SLC39A12: variants seen among roughly 807,000 people sequenced by gnomAD.
SLC39A12 encodes the protein zinc transporter ZIP12.
In SLC39A12, 63 loss-of-function variants were observed where a neutral mutation model predicts 71.1. The ratio of observed to expected loss-of-function variants is 0.89; its 90% CI spans 0.72 to 1.09. The LOEUF (loss-of-function observed/expected upper bound fraction) is 1.09, where lower values mean the gene tolerates loss of function less well. Ranked by LOEUF, SLC39A12 falls within the 50% of genes least tolerant of loss-of-function variation. SLC39A12 has a pLI of 0.00. For synonymous variants in SLC39A12, 351 were observed against 301.3 expected, an observed-to-expected ratio of 1.16 and a Z score of -1.71; for missense variants, 892 against 812.6, an observed-to-expected ratio of 1.10 and a Z score of -1.19.
rs1196236102 is a variant in SLC39A12 at position 18,000,834 on chromosome 10, A to C, written c.1759+9A>C. The C allele has an allele frequency of 9.9e-6, 16 of 1,612,562 alleles. No homozygotes were observed. Among genetic ancestry groups the C allele is most frequent in the Non-Finnish European group, 1.4e-5 (16 of 1,179,018 alleles). On this transcript the variant is annotated intron_variant, in intron 11 of 12. Coordinates refer to ENST00000377369, the MANE Select transcript of SLC39A12 (RefSeq NM_001145195.2). ...AATCCCACATGAAATGGGTAAGTTC[A>C]ACAATGGAATTACTGTTTCTGGCCT...
chr10:17,988,672 C>T (rs142477914), intron 7 of SLC39A12, among the ~76,000 whole-genome samples: 1 of 152,158 alleles, frequency 6.6e-6, no homozygotes, highest in Non-Finnish European at 1.5e-5. Context: ...TTGGGGTCAG[C>T]CAATGAGGGG....
At chr10:18,030,718 G>A (rs1836822082) in intron 12 of SLC39A12, among the ~76,000 whole-genome samples, 1 of 150,002 alleles carries the variant, frequency 6.7e-6, no homozygotes, top group Admixed American at 6.7e-5. Context: ...GTATACATGT[G>A]CCATGCTGGT....
chr10:17,961,259 G>A (rs1554848349), intron 2 of SLC39A12, among the ~76,000 whole-genome samples: 1 of 152,158 alleles, frequency 6.6e-6, no homozygotes, highest in African/African-American at 2.4e-5. Flanking sequence ...AAGATTGCAA[G>A]GAATTCGGAT....
Position 17,965,577 on chromosome 10 carries a change from T to C in SLC39A12, c.638T>C (p.Ile213Thr). The change falls in exon 4 of 13, where the codon ATT becomes ACT. Residue 213 changes from isoleucine to threonine, a missense_variant. Coordinates refer to ENST00000377369, the MANE Select transcript of SLC39A12 (RefSeq NM_001145195.2). ...STLPQLAAMI[I>T]TLSLQGVCLG... ...CTTCCTCAGTTGGCAGCCATGATCA[T>C]TACTTTGTCCCTCCAGGGTGTTTGT... 1 of 1,614,212 alleles carries C rather than the reference T, an allele frequency of 6.2e-7. No homozygotes were observed. Among genetic ancestry groups the C allele is most frequent in the East Asian group, 2.2e-5 (1 of 44,882 alleles).
intron 3 of SLC39A12, among the ~76,000 whole-genome samples, chr10:17,964,746 G>A (rs774825281): frequency 2.0e-5 from 3 of 152,206 alleles, no homozygotes; most frequent in Non-Finnish European, 1.5e-5. Context: ...GAGGGGCCCT[G>A]TGATGACGCA....
intron 5 of SLC39A12, among the ~76,000 whole-genome samples, chr10:17,980,814 C>T (rs971958649): frequency 6.9e-6 from 1 of 145,436 alleles, no homozygotes; most frequent in Non-Finnish European, 1.5e-5. Context: ...CATAGCTTTA[C>T]TTTCAAAAAT....
chr10:18,005,212 G>A (rs901254280), intron 12 of SLC39A12, among the ~76,000 whole-genome samples: 1 of 151,738 alleles, frequency 6.6e-6, no homozygotes, highest in Non-Finnish European at 1.5e-5. Flanking sequence ...TATGTACCCC[G>A]GAACTTAAAA....
Position 17,987,474 on chromosome 10 carries a change from C to G in SLC39A12, c.1097-5C>G. Reference sequence around the variant, plus strand: ...TGACTGTGTTTACGATCTCCTTTGACTTAGAATACGGCTACAGCACGGTGG... The same window carrying G: ...TGACTGTGTTTACGATCTCCTTTGAGTTAGAATACGGCTACAGCACGGTGG... On this transcript the variant is annotated splice_polypyrimidine_tract_variant and splice_region_variant and intron_variant, in intron 6 of 12. Coordinates refer to ENST00000377369, the MANE Select transcript of SLC39A12 (RefSeq NM_001145195.2). 6.2e-7 allele frequency: 1 copy of G among 1,613,404 alleles called. No homozygotes were observed. Among genetic ancestry groups the G allele is most frequent in the African/African-American group, 1.3e-5 (1 of 75,042 alleles).
rs771085854 is a variant in SLC39A12 at position 18,042,670 on chromosome 10, C to G, written c.1948-35C>G. ...AGCTTTTCCCAGCAGTTGAATATAT[C>G]TGGATCTTATTCTGGTTTTTTATTC... On this transcript the variant is annotated intron_variant, in intron 12 of 12. Transcript: ENST00000377369. 2.6e-5 allele frequency: 41 copies of G among 1,587,550 alleles called. No homozygotes were observed. The South Asian group carries it at 3.8e-4, about 15-fold the overall frequency.
chr10:18,041,162 A>G lies in SLC39A12; in HGVS notation c.1948-1543A>G, dbSNP rs139645423. Among the ~76,000 whole-genome samples, 3 of 152,244 alleles carry G rather than the reference A, an allele frequency of 2.0e-5. No homozygotes were observed. In the East Asian group the frequency reaches 5.8e-4, roughly 29 times the overall value. On this transcript the variant is annotated intron_variant, in intron 12 of 12. Coordinates refer to ENST00000377369, the MANE Select transcript of SLC39A12 (RefSeq NM_001145195.2). Reference sequence around the variant, plus strand: ...CTTCTCAGGGTGAGGGCTTTGAAATAATTTGAGACAAATACACCTTGGGGC... The same window carrying G: ...CTTCTCAGGGTGAGGGCTTTGAAATGATTTGAGACAAATACACCTTGGGGC...
chr10:18,022,478 A>G lies in SLC39A12; in HGVS notation c.1947+19120A>G, dbSNP rs543490213. The stretch of plus-strand genomic sequence containing the variant: ...ATATAGTGAGTTTTTCAGTTCTATC[A>G]GCTCACTTTTGTTCTTTCTTAAAAT... On this transcript the variant is annotated intron_variant, in intron 12 of 12. Transcript: ENST00000377369. 1.6e-4 allele frequency among the ~76,000 whole-genome samples: 25 copies of G among 152,240 alleles called. No homozygotes were observed. The South Asian group carries it at 5.0e-3, about 30-fold the overall frequency.
chr10:18,016,418 A>C (rs1445991195), intron 12 of SLC39A12, among the ~76,000 whole-genome samples: 1 of 152,194 alleles, frequency 6.6e-6, no homozygotes, highest in African/African-American at 2.4e-5. Context: ...GTCTGGATGC[A>C]TCACCATTTA....
intron 9 of SLC39A12, among the ~76,000 whole-genome samples, chr10:17,994,662 G>C (rs1309638844): frequency 6.6e-6 from 1 of 152,034 alleles, no homozygotes; most frequent in Admixed American, 6.6e-5. Context: ...TCAAGTAAGA[G>C]GTCTACTTCC....
chr10:17,971,299 T>TCC (rs1564642097), intron 4 of SLC39A12, among the ~76,000 whole-genome samples: 1 of 59,164 alleles, frequency 1.7e-5, no homozygotes, highest in African/African-American at 6.5e-5. Flanking sequence ...CCCCTCCCCT[T>TCC]CCTTTCCTGA....
intron 12 of SLC39A12, among the ~76,000 whole-genome samples, chr10:18,004,026 G>A (rs1835930635): frequency 6.6e-6 from 1 of 152,194 alleles, no homozygotes; most frequent in Admixed American, 6.5e-5. Context: ...TGACCTTAAT[G>A]ATAACTCAGT....
Position 17,977,909 on chromosome 10 carries a change from C to T in SLC39A12, c.759C>T (p.Asp253=). Residue 253 remains aspartate (D), a synonymous_variant, in exon 5 of 13, where the codon GAC becomes GAT. Coordinates refer to ENST00000377369, the MANE Select transcript of SLC39A12 (RefSeq NM_001145195.2). ...TTTATATGAAATTTCTAGAACTAGA[C>T]CAACTCCTCAACACTCTCTGGACCA... ...RTNTLRLSEL[D]QLLNTLWTRS... 6.3e-7 allele frequency: 1 copy of T among 1,585,420 alleles called. No homozygotes were observed.
intron 3 of SLC39A12, among the ~76,000 whole-genome samples, chr10:17,964,164 G>A (rs1173954313): frequency 1.3e-5 from 2 of 152,120 alleles, no homozygotes; most frequent in African/African-American, 4.8e-5. Context: ...ATGGTGTTTC[G>A]AGACCCTTAT....
chr10:18,038,148 A>T (rs1359905747), intron 12 of SLC39A12, among the ~76,000 whole-genome samples: 1 of 150,042 alleles, frequency 6.7e-6, no homozygotes, highest in Non-Finnish European at 1.5e-5. Flanking sequence ...ATTGTATTCC[A>T]TGTAAATGTT....
intron 12 of SLC39A12, among the ~76,000 whole-genome samples, chr10:18,005,021 C>T (rs892723775): frequency 7.3e-6 from 1 of 137,696 alleles, no homozygotes; most frequent in African/African-American, 2.8e-5. Flanking sequence ...GGGAGCTGAG[C>T]GATAAGAACA....
Sources: allele counts gnomAD v4.1 joint callset (sites outside exome capture counted in the v4.1 genomes callset), GRCh38; gene constraint gnomAD v4.1.1; transcripts MANE v1.5; gene names NCBI Gene and HGNC (gene_info 2026-07-23, HGNC 2026-07-21).